The following SRGAP1 variants were observed in gnomAD, a reference collection of about 807,000 sequenced individuals.
SRGAP1 encodes SLIT-ROBO Rho GTPase activating protein 1, also known as SLIT-ROBO Rho GTPase-activating protein 1.
Under a neutral mutation model 121.9 loss-of-function variants are expected in SRGAP1, and 43 were observed. The observed-to-expected ratio is 0.35, with a 90% CI of 0.28 to 0.46. The LOEUF is 0.46. SRGAP1 is among the 20% of genes least tolerant of loss of function. The pLI is 1.00. For synonymous variants in SRGAP1, 447 were observed against 485.4 expected (o/e 0.92, Z 1.04); for missense variants, 1,102 against 1,350.9 (o/e 0.82, Z 2.89).
At chr12:63,855,479 T>TTTTTTTTTG (rs1565922049) in intron 1 of SRGAP1, among the ~76,000 whole-genome samples, 3 of 100,656 alleles carry the variant, frequency 3.0e-5, no homozygotes, top group African/African-American at 1.1e-4. Flanking sequence ...TGGTGTTTTT[T>TTTTTTTTTG]TTTTTTTTTT....
intron 1 of SRGAP1, among the ~76,000 whole-genome samples, chr12:63,949,431 TA>T (rs2032215168): frequency 7.4e-6 from 1 of 135,196 alleles, no homozygotes; most frequent in East Asian, 2.1e-4. Context: ...TTATTATTAT[TA>T]TTATTATTAT....
intron 1 of SRGAP1, among the ~76,000 whole-genome samples, chr12:63,871,389 T>C (rs553366683): frequency 6.6e-6 from 1 of 152,346 alleles, no homozygotes; most frequent in African/African-American, 2.4e-5. Context: ...GGGAGCCTGA[T>C]GAGCCCTTGA....
chr12:63,974,571 A>G (rs1484598870), intron 1 of SRGAP1, among the ~76,000 whole-genome samples: 4 of 151,910 alleles, frequency 2.6e-5, no homozygotes, highest in African/African-American at 9.7e-5. Flanking sequence ...ACAAAAAAGG[A>G]TTTTATTATA....
At chr12:64,044,964 G>A (rs993586920) in intron 6 of SRGAP1, among the ~76,000 whole-genome samples, 2 of 151,974 alleles carry the variant, frequency 1.3e-5, no homozygotes, top group Non-Finnish European at 2.9e-5. Flanking sequence ...ACAGGCCTGA[G>A]CCACTGTGCC....
At chr12:64,094,612 G>T (rs2036118799) in intron 12 of SRGAP1, among the ~76,000 whole-genome samples, 1 of 152,160 alleles carries the variant, frequency 6.6e-6, no homozygotes, top group African/African-American at 2.4e-5. Flanking sequence ...TCAAACTGAA[G>T]ATGCTATGAT....
chr12:64,131,197 T>C (rs553748567), intron 21 of SRGAP1, among the ~76,000 whole-genome samples: 20 of 152,272 alleles, frequency 1.3e-4, no homozygotes, highest in African/African-American at 4.6e-4. Flanking sequence ...ATCAAAATCC[T>C]CCTCTGCTGA....
chr12:63,850,835 G>A (rs1218556226), intron 1 of SRGAP1, among the ~76,000 whole-genome samples: 1 of 152,138 alleles, frequency 6.6e-6, no homozygotes, highest in African/African-American at 2.4e-5. Flanking sequence ...GTCTATTTAT[G>A]CTTTAGCAGT....
intron 2 of SRGAP1, among the ~76,000 whole-genome samples, chr12:63,988,144 CTAT>C (rs377205814): frequency 1.3e-4 from 20 of 152,130 alleles, no homozygotes; most frequent in African/African-American, 4.6e-4. Flanking sequence ...ACTACTACTG[CTAT>C]TATTACTAAG....
chr12:63,977,601 C>T (rs1441326498), intron 1 of SRGAP1, among the ~76,000 whole-genome samples: 2 of 151,646 alleles, frequency 1.3e-5, no homozygotes, highest in South Asian at 2.1e-4. Flanking sequence ...TCCTTCATTT[C>T]GTCTGTTTCT....
chr12:64,012,252 G>A (rs2034273539), intron 3 of SRGAP1, among the ~76,000 whole-genome samples: 1 of 152,080 alleles, frequency 6.6e-6, no homozygotes, highest in South Asian at 2.1e-4. Flanking sequence ...TTGGAAATAG[G>A]CTTGGAATTA....
intron 1 of SRGAP1, among the ~76,000 whole-genome samples, chr12:63,913,194 C>CTTTTTT (rs759566545): frequency 4.7e-4 from 28 of 59,044 alleles, no homozygotes; most frequent in African/African-American, 6.0e-4. Context: ...GTAAATCCTT[C>CTTTTTT]TTTTTTTTTT....
chr12:63,972,698 G>C (rs1189258805), intron 1 of SRGAP1, among the ~76,000 whole-genome samples: 1 of 152,158 alleles, frequency 6.6e-6, no homozygotes, highest in Non-Finnish European at 1.5e-5. Flanking sequence ...GAACATAATA[G>C]CAATAGTACA....
At chr12:63,974,040 T>G (rs532179246) in intron 1 of SRGAP1, among the ~76,000 whole-genome samples, 1 of 152,334 alleles carries the variant, frequency 6.6e-6, no homozygotes, top group South Asian at 2.1e-4. Context: ...ATCAATCTAC[T>G]AATAAGGTCT....
chr12:64,076,245 T>G (rs2035736401), intron 8 of SRGAP1, among the ~76,000 whole-genome samples: 1 of 152,106 alleles, frequency 6.6e-6, no homozygotes, highest in Non-Finnish European at 1.5e-5. Context: ...TAAGAAACCA[T>G]GAGTGATAGC....
rs1016404199 is a variant in SRGAP1, at chr12:64,152,385, C to T, written c.*9713C>T. ...GCTGCATTCTGACCTCTGTAACATG[C>T]TCATGTCATTACCCTGCTCAAAAGC... On this transcript the variant is annotated 3_prime_UTR_variant, in exon 22 of 22. Transcript: ENST00000355086. 1.3e-5 allele frequency: 2 copies of T among 152,290 alleles called. No individual in the cohort carries two copies. The highest frequency in any genetic ancestry group is 6.5e-5 in the Admixed American group (1 of 15,286). The allele number at this position is 152,290 out of a possible 1,614,324, so 9.4% of individuals were successfully genotyped here.
At chr12:64,010,547 C>T (rs1330028075) in intron 3 of SRGAP1, among the ~76,000 whole-genome samples, 1 of 152,078 alleles carries the variant, frequency 6.6e-6, no homozygotes, top group Non-Finnish European at 1.5e-5. Context: ...GAAACCAGTC[C>T]TTACTCAGTG....
intron 1 of SRGAP1, chr12:63,879,321 T>A (rs1162285847): frequency 6.6e-6 from 1 of 152,246 alleles, no homozygotes; most frequent in Non-Finnish European, 1.5e-5. Flanking sequence ...TGTCCTTTGT[T>A]CTTTTTAAGG....
At chr12:63,929,785 A>T (rs1335143042) in intron 1 of SRGAP1, among the ~76,000 whole-genome samples, 2 of 152,166 alleles carry the variant, frequency 1.3e-5, no homozygotes, top group Non-Finnish European at 2.9e-5. Context: ...AGAATTGTGT[A>T]GTTAGCTAAA....
At chr12:63,905,023 C>G (rs1333190001) in intron 1 of SRGAP1, among the ~76,000 whole-genome samples, 1 of 152,162 alleles carries the variant, frequency 6.6e-6, no homozygotes, top group Admixed American at 6.5e-5. Flanking sequence ...GCAAATAGTA[C>G]AACCAACTTC....
Sources: gnomAD v4.1 joint callset for allele counts (sites outside exome capture counted in the v4.1 genomes callset) on GRCh38, gnomAD v4.1.1 for gene constraint, MANE v1.5 for transcripts, NCBI Gene and HGNC (gene_info 2026-07-23, HGNC 2026-07-21) for gene names.